Variants in SLF1 observed in about 807,000 individuals in gnomAD.
SLF1 encodes the protein SMC5-SMC6 complex localization factor protein 1.
Under a neutral mutation model 123.0 loss-of-function variants are expected in SLF1, and 105 were observed. The observed-to-expected ratio is 0.85, with a 90% CI of 0.73 to 1.00. SLF1 has a LOEUF of 1.00. Ranked by LOEUF, SLF1 falls within the 50% of genes least tolerant of loss-of-function variation. The pLI, the probability that SLF1 is intolerant of heterozygous loss-of-function variation, is 0.00. For synonymous variants in SLF1, 434 were observed against 406.6 expected (o/e 1.07, Z -0.81); for missense variants, 1,239 against 1,223.0 (o/e 1.01, Z -0.20).
intron 15 of SLF1, among the ~76,000 whole-genome samples, chr5:94,685,111 A>G (rs1404103012): frequency 1.3e-5 from 2 of 152,242 alleles, no homozygotes; most frequent in Non-Finnish European, 2.9e-5. Context: ...GTCAAGGGTC[A>G]AGGACTACAA....
intron 18 of SLF1, among the ~76,000 whole-genome samples, chr5:94,690,407 C>T (rs1258311706): frequency 6.6e-6 from 1 of 152,082 alleles, no homozygotes; most frequent in African/African-American, 2.4e-5. Flanking sequence ...GTCCATTTGA[C>T]TTGGAATATG....
intron 5 of SLF1, among the ~76,000 whole-genome samples, chr5:94,647,305 C>G (rs1747176112): frequency 6.6e-6 from 1 of 152,158 alleles, no homozygotes. Context: ...AAAGGACTGC[C>G]TTTCTTGATT....
At chr5:94,644,014 T>C (rs1162644376) in intron 5 of SLF1, among the ~76,000 whole-genome samples, 1 of 152,178 alleles carries the variant, frequency 6.6e-6, no homozygotes, top group Non-Finnish European at 1.5e-5. Flanking sequence ...TCTAATACTT[T>C]ATGTCAGAGA....
chr5:94,669,812 T>G (rs912697369), intron 12 of SLF1, among the ~76,000 whole-genome samples: 4 of 152,016 alleles, frequency 2.6e-5, no homozygotes, highest in African/African-American at 9.6e-5. Flanking sequence ...AGAGGTTAGC[T>G]GGTCATTTAA....
chr5:94,624,684 T>C (rs552760033), intron 1 of SLF1, among the ~76,000 whole-genome samples: 3 of 152,262 alleles, frequency 2.0e-5, no homozygotes, highest in Admixed American at 6.5e-5. Context: ...GTAACAGTGT[T>C]ATAACAATTT....
At chr5:94,624,710 T>A (rs905079088) in intron 1 of SLF1, among the ~76,000 whole-genome samples, 2 of 152,156 alleles carry the variant, frequency 1.3e-5, no homozygotes, top group African/African-American at 2.4e-5. Flanking sequence ...TTATTTTTTG[T>A]ATATTCCGAT....
intron 15 of SLF1, 147 bp from the exon 16 acceptor site, chr5:94,686,426 A>C (rs1030710799): frequency 1.6e-4 from 136 of 849,018 alleles, no homozygotes; most frequent in Non-Finnish European, 1.1e-4. Context: ...GATATGACCT[A>C]TTTTTTGTGG....
At chr5:94,656,555 A>T (rs908704890) in intron 9 of SLF1, among the ~76,000 whole-genome samples, 2 of 151,982 alleles carry the variant, frequency 1.3e-5, no homozygotes, top group Non-Finnish European at 2.9e-5. Flanking sequence ...GAAACAGTTT[A>T]AAAAGTGCTG....
At chr5:94,619,183 T>G (rs967198406) in intron 1 of SLF1, among the ~76,000 whole-genome samples, 1 of 152,212 alleles carries the variant, frequency 6.6e-6, no homozygotes, top group African/African-American at 2.4e-5. Flanking sequence ...TACCAGAATT[T>G]TGGCTGCTTT....
chr5:94,664,961 T>G (rs1749571771), intron 11 of SLF1, among the ~76,000 whole-genome samples: 1 of 152,216 alleles, frequency 6.6e-6, no homozygotes, highest in African/African-American at 2.4e-5. Flanking sequence ...TTAAAGGTTT[T>G]TCTTTTAGAG....
intron 9 of SLF1, among the ~76,000 whole-genome samples, chr5:94,660,926 T>C (rs902506930): frequency 1.3e-5 from 2 of 152,062 alleles, no homozygotes; most frequent in African/African-American, 4.8e-5. Flanking sequence ...TGTAGGACAC[T>C]GTGTAGGTGA....
At chr5:94,674,531 A>C (rs1427475838) in intron 14 of SLF1, among the ~76,000 whole-genome samples, 2 of 152,180 alleles carry the variant, frequency 1.3e-5, no homozygotes, top group East Asian at 3.8e-4. Context: ...TACTTAATTA[A>C]ATCTTTTTGG....
chr5:94,665,753 A>G, intron 11 of SLF1, 108 bp from the exon 12 acceptor site: 1 of 1,058,926 alleles, frequency 9.4e-7, no homozygotes, highest in East Asian at 2.7e-5. Context: ...ACTCCGTCTC[A>G]AAAAAGAAAG....
chr5:94,636,021 A>T (rs1248778361), intron 4 of SLF1, among the ~76,000 whole-genome samples: 1 of 152,154 alleles, frequency 6.6e-6, no homozygotes, highest in Non-Finnish European at 1.5e-5. Flanking sequence ...GGAAATTTTT[A>T]ATTTCTCCCT....
Position 94,651,725 on chromosome 5 carries a change from T to A in SLF1, c.762T>A (p.Asp254Glu). ...AGAAAGAAATGCAAAATCATGAAGA[T>A]GTTAATGTTGGTTCTATTTTGATTC... ...RTQKEMQNHE[D>E]VNVGSILIQH... Residue 254 changes from aspartate (D) to glutamate (E), a missense_variant, in exon 7 of 21, where the codon GAT becomes GAA. Physicochemically the swap from Asp to Glu is conservative, Grantham distance 45 (BLOSUM62 2). Transcript: ENST00000265140. The A allele has an allele frequency of 6.6e-7, 1 of 1,522,262 alleles. No individual in the cohort carries two copies. Among genetic ancestry groups the A allele is most frequent in the Non-Finnish European group, 8.8e-7 (1 of 1,136,152 alleles). The allele number at this position is 1,522,262 out of a possible 1,614,324, so 94.3% of individuals were successfully genotyped here.
rs183957842 is a variant in SLF1 at position 94,696,298 on chromosome 5, T to G, written c.*986T>G. On this transcript the variant is annotated 3_prime_UTR_variant, in exon 21 of 21. Transcript: ENST00000265140. ...CTTTTATGTAATTCAAGTGATGACC[T>G]TAGCAGTTAATCTGCTAAAGCAATA... 30 of 151,982 alleles carry G rather than the reference T, an allele frequency of 2.0e-4. No homozygotes were observed. The East Asian group carries it at 5.0e-3, about 26-fold the overall frequency. The allele number at this position is 151,982 out of a possible 1,614,324, so 9.4% of individuals were successfully genotyped here. A position where few individuals can be genotyped will look rare whatever the true frequency, so the allele number is the denominator to read the frequency against.
intron 20 of SLF1, among the ~76,000 whole-genome samples, chr5:94,694,281 G>C (rs1753349329): frequency 6.6e-6 from 1 of 151,934 alleles, no homozygotes; most frequent in African/African-American, 2.4e-5. Context: ...GTTTGATCTA[G>C]AAGAATTAAT....
At chr5:94,694,280 A>G (rs1753348835) in intron 20 of SLF1, among the ~76,000 whole-genome samples, 1 of 151,980 alleles carries the variant, frequency 6.6e-6, no homozygotes, top group African/African-American at 2.4e-5. Context: ...AGTTTGATCT[A>G]GAAGAATTAA....
intron 17 of SLF1, 91 bp from the exon 18 acceptor site, chr5:94,689,381 AG>A: frequency 7.7e-7 from 1 of 1,303,614 alleles, no homozygotes; most frequent in Non-Finnish European, 1.0e-6. Context: ...TTAAATTAAA[AG>A]GGGGCTAGAC....
Sources: gnomAD v4.1 joint callset for allele counts (sites outside exome capture counted in the v4.1 genomes callset) on GRCh38, gnomAD v4.1.1 for gene constraint, MANE v1.5 for transcripts, NCBI Gene and HGNC (gene_info 2026-07-23, HGNC 2026-07-21) for gene names.